Variants in SPON2 observed in about 807,000 individuals in gnomAD.
SPON2 encodes the protein spondin-2.
SPON2 carries 32 observed loss-of-function variants against 29.9 expected under a neutral mutation model. That is an observed-to-expected ratio of 1.07 (90% CI 0.81 to 1.44). The LOEUF is 1.44. Ranked by LOEUF, SPON2 falls within the 40% of genes most tolerant of loss-of-function variation. The pLI, the probability that SPON2 is intolerant of heterozygous loss-of-function variation, is 0.00. For missense variants in SPON2, 541 were observed against 455.5 expected, an observed-to-expected ratio of 1.19 and a Z score of -1.71; for synonymous variants, 248 against 209.1, an observed-to-expected ratio of 1.19 and a Z score of -1.61.
upstream of SPON2, among the ~76,000 whole-genome samples, chr4:1,177,507 T>G (rs980110757): frequency 4.6e-5 from 7 of 151,948 alleles, no homozygotes; most frequent in Admixed American, 3.3e-4. Context: ...TCCATGGGTT[T>G]GTTTGTGAGC....
upstream of SPON2, among the ~76,000 whole-genome samples, chr4:1,176,347 C>G (rs1033185407): frequency 6.6e-6 from 1 of 152,180 alleles, no homozygotes; most frequent in Non-Finnish European, 1.5e-5. Context: ...TCTGTGCCCG[C>G]AGGCAGGAGC....
chr4:1,172,837 T>C (rs114586256), upstream of SPON2: 19,306 of 145,420 alleles, frequency 0.13, 1,636 homozygotes, highest in African/African-American at 0.21. Flanking sequence ...CCCCTTTCTT[T>C]GTCTGTCTGT....
chr4:1,189,984 C>G (rs1186547758), intron 1 of SPON2, among the ~76,000 whole-genome samples: 2 of 27,326 alleles, frequency 7.3e-5, no homozygotes, highest in Non-Finnish European at 2.0e-4. Flanking sequence ...AGTGAGACTC[C>G]ATCTCAAAAA....
chr4:1,167,908 G>C (rs901154752), intron 5 of SPON2: 4 of 428,362 alleles, frequency 9.3e-6, no homozygotes, highest in Non-Finnish European at 1.2e-5. Context: ...AAGTCCCTGT[G>C]GTGGTGGAAC....
chr4:1,193,245 G>A (rs1248125024), intron 1 of SPON2, among the ~76,000 whole-genome samples: 1 of 152,180 alleles, frequency 6.6e-6, no homozygotes, highest in East Asian at 1.9e-4. Flanking sequence ...GGATGTCACT[G>A]CAGAGACTCA....
chr4:1,167,049 G>T lies in SPON2; in HGVS notation c.*423C>A. 6.1e-6 allele frequency: 1 copy of T among 165,048 alleles called. No individual in the cohort carries two copies. The highest frequency in any genetic ancestry group is 1.3e-5 in the Non-Finnish European group (1 of 77,132). 10.2% of individuals were successfully genotyped at this position (165,048 alleles called of 1,614,324 possible). The stretch of plus-strand genomic sequence containing the variant: ...TCTCAAGTGGCCCCCGCTTGGATGC[G>T]CCCTCGGGAGAGTGGGCTCAGCACA... On this transcript the variant is annotated 3_prime_UTR_variant, in exon 6 of 6. Coordinates refer to ENST00000290902, the MANE Select transcript of SPON2 (RefSeq NM_012445.4).
At chr4:1,196,386 C>T (rs1273420479), upstream of SPON2, among the ~76,000 whole-genome samples, 1 of 152,212 alleles carries the variant, frequency 6.6e-6, no homozygotes, top group Admixed American at 6.5e-5. Context: ...TCCATGGGAA[C>T]CTCTCATCTA....
Position 1,202,366 on chromosome 4 carries a change from C to T in SPON2, c.-234+5514G>A, listed in dbSNP as rs1301344394. ...CCGGCACTCCACGGGGTCTAAGTTTCAGCCTGAGCTTTAGAGGACGGAAAC... is the reference window on the plus strand; with the variant it reads ...CCGGCACTCCACGGGGTCTAAGTTTTAGCCTGAGCTTTAGAGGACGGAAAC... On this transcript the variant is annotated intron_variant, in intron 1 of 3. Transcript: ENST00000509233. The surrounding 1 kb of genome is among the most constrained non-coding windows in gnomAD (Gnocchi z 5.4). 6.6e-6 allele frequency among the ~76,000 whole-genome samples: 1 copy of T among 152,216 alleles called. No homozygotes were observed. Among genetic ancestry groups the T allele is most frequent in the African/African-American group, 2.4e-5 (1 of 41,472 alleles).
chr4:1,173,634 TC>T (rs1727530466), upstream of SPON2, among the ~76,000 whole-genome samples: 1 of 152,262 alleles, frequency 6.6e-6, no homozygotes, highest in African/African-American at 2.4e-5. Context: ...CCTCTGCTCA[TC>T]GGAATCACCC....
In SPON2 at chr4:1,172,067, TC is replaced by T. The variant is rs1560202648; in HGVS notation, c.4del (p.Glu2LysfsTer105). On this transcript the variant is annotated frameshift_variant, in exon 2 of 6. Coordinates refer to ENST00000290902, the MANE Select transcript of SPON2 (RefSeq NM_012445.4). LOFTEE classifies it high-confidence loss of function. Reference protein sequence around the residue: MENPSPAAALGK... With the variant: MXNPSPAAALGK... ...CAGGGCGGCGGCCGGGCTGGGGTTT[TC>T]CATCACCTGGGAGCACAGAGGGGAG... 1 of 1,610,634 alleles carries T rather than the reference TC, an allele frequency of 6.2e-7. No individual in the cohort carries two copies. Among genetic ancestry groups the T allele is most frequent in the Non-Finnish European group, 8.5e-7 (1 of 1,179,432 alleles).
At chr4:1,203,859 T>C (rs1215572873) in intron 1 of SPON2, among the ~76,000 whole-genome samples, 1 of 152,114 alleles carries the variant, frequency 6.6e-6, no homozygotes, top group African/African-American at 2.4e-5. Flanking sequence ...GGAAAAAACA[T>C]CTATTCAAAT....
intron 1 of SPON2, among the ~76,000 whole-genome samples, chr4:1,206,777 CCA>C (rs1249251892): frequency 1.3e-5 from 2 of 152,132 alleles, no homozygotes; most frequent in African/African-American, 4.8e-5. Context: ...AGAACAAACC[CCA>C]GTCTAAGGCG....
chr4:1,170,520 C>T lies in SPON2; in HGVS notation c.693G>A (p.Lys231=), dbSNP rs7689089. 4,520 of 1,613,930 alleles carry T rather than the reference C, an allele frequency of 2.8e-3. 135 individuals are homozygous for T. The African/African-American group carries it at 0.053, about 19-fold the overall frequency. Residue 231 remains lysine, a synonymous_variant, in exon 5 of 6, where the codon AAG becomes AAA. Transcript: ENST00000290902. ...TCACCCTGGCGATGGGAGGCAGGGC[C>T]TTCAGCCGCGGGTAGTAGAAGGAGT... ...PANSFYYPRL[K]ALPPIARVTL...
chr4:1,170,764 A>T (rs13115935), intron 4 of SPON2, 188 bp from the exon 5 acceptor site: 1 of 952,064 alleles, frequency 1.1e-6, no homozygotes, highest in Non-Finnish European at 1.6e-6. Context: ...AGGAAGGGGC[A>T]GCCTCCTCGG....
intron 1 of SPON2, among the ~76,000 whole-genome samples, chr4:1,180,706 A>G (rs2108657491): frequency 6.6e-6 from 1 of 152,370 alleles, no homozygotes; most frequent in South Asian, 2.1e-4. Flanking sequence ...AGAACCAAGT[A>G]GAAATTCTGG....
intron 1 of SPON2, chr4:1,194,921 C>CCTCACCTCACAGCCGGCGGT (rs1728014843): frequency 7.4e-6 from 1 of 135,584 alleles, no homozygotes; most frequent in Non-Finnish European, 1.6e-5. Flanking sequence ...CAGCCGGCGG[C>CCTCACCTCACAGCCGGCGGT]TCCAACCCCG....
rs748098036 is a variant in SPON2, at chr4:1,167,483, T to C, written c.985A>G (p.Asn329Asp). 1 of 1,613,238 alleles carries C rather than the reference T, an allele frequency of 6.2e-7. No homozygotes were observed. The highest frequency in any genetic ancestry group is 8.5e-7 in the Non-Finnish European group (1 of 1,179,746). Reference sequence around the variant, plus strand: ...GCGGGGCTCTGGTCTTAGACGCAGTTATCAGGGACGCACTCAGCCTCTTCT... The same window carrying C: ...GCGGGGCTCTGGTCTTAGACGCAGTCATCAGGGACGCACTCAGCCTCTTCT... ...LEEEAECVPD[N>D]CV Residue 329 changes from asparagine to aspartate, a missense_variant, in exon 6 of 6, where the codon AAC (asparagine) becomes GAC (aspartate). Coordinates refer to ENST00000290902, the MANE Select transcript of SPON2 (RefSeq NM_012445.4).
chr4:1,205,117 C>G (rs1229838039), intron 1 of SPON2: 1 of 152,712 alleles, frequency 6.5e-6, no homozygotes. Flanking sequence ...GTCCCTGTGG[C>G]TAAGGCGGAA....
In SPON2 at chr4:1,171,717, G is replaced by T. The variant is rs1354715931; in HGVS notation, c.220+135C>A. 6.2e-6 allele frequency: 5 copies of T among 806,024 alleles called. No individual in the cohort carries two copies. In the East Asian group the frequency reaches 1.2e-4, roughly 20 times the overall value. The allele number at this position is 806,024 out of a possible 1,614,324, so 49.9% of individuals were successfully genotyped here. On this transcript the variant is annotated intron_variant, in intron 2 of 5. Coordinates refer to ENST00000290902, the MANE Select transcript of SPON2 (RefSeq NM_012445.4). ...CGGAACCGCACACCGCAGGCGCTCG[G>T]CAAACATTCTGGTGTTAGAGTCTCC...
Sources: allele counts gnomAD v4.1 joint callset (sites outside exome capture counted in the v4.1 genomes callset), GRCh38; gene constraint gnomAD v4.1.1; non-coding constraint Gnocchi (gnomAD v3.1); transcripts MANE v1.5; gene names NCBI Gene and HGNC (gene_info 2026-07-23, HGNC 2026-07-21).